The following KIAA1210 variants were observed in gnomAD, a reference collection of about 807,000 sequenced individuals.
KIAA1210 encodes acrosomal protein KIAA1210.
Under a neutral mutation model 78.9 loss-of-function variants are expected in KIAA1210, and 48 were observed. The ratio of observed to expected loss-of-function variants is 0.61; its 90% CI spans 0.48 to 0.77. The LOEUF is 0.77. Among genes scored for constraint, KIAA1210 ranks in the 30% least tolerant of loss-of-function variants. The pLI, the probability that KIAA1210 is intolerant of heterozygous loss-of-function variation, is 0.00. For missense variants in KIAA1210, 1,108 were observed against 1,100.0 expected, an observed-to-expected ratio of 1.01 and a Z score of -0.10; for synonymous variants, 406 against 404.5, an observed-to-expected ratio of 1.00 and a Z score of -0.04.
In KIAA1210 at chrX:119,096,704, G is replaced by A. The variant is rs1373954736; in HGVS notation, c.649-13C>T. On this transcript the variant is annotated splice_polypyrimidine_tract_variant and intron_variant, in intron 6 of 11. Transcript: ENST00000691062. ...ACTCAGAGAAGCTCTGGGGAAGGTG[G>A]GAGAAAATAGACGAGTCAACCCGTA... is the stretch of plus-strand genomic sequence containing the variant. 9.4e-6 allele frequency: 11 copies of A among 1,164,303 alleles called. No homozygotes were observed. The highest frequency in any genetic ancestry group is 1.2e-5 in the Non-Finnish European group (10 of 862,752).
chrX:119,088,682 A>G lies in KIAA1210; in HGVS notation c.2020T>C (p.Phe674Leu). ...ALEEPEDAEV[F>L]TESSSYVEKY... ...TCAACATAACTGCTTGATTCTGTGA[A>G]GACTTCTGCATCTTCAGGCTCCTCT... is the stretch of plus-strand genomic sequence containing the variant. Residue 674 changes from phenylalanine to leucine, a missense_variant, in exon 9 of 12, where the codon TTC becomes CTC. By Grantham distance (22) the Phe-to-Leu change is conservative (BLOSUM62 0). This residue lies in a region of KIAA1210 where 672 missense variants were observed against 607.1 expected (regional missense o/e 1.11). Coordinates refer to ENST00000691062, the MANE Select transcript of KIAA1210 (RefSeq NM_001394962.1). The G allele has an allele frequency of 8.3e-7, 1 of 1,210,776 alleles. No individual in the cohort carries two copies. Among genetic ancestry groups the G allele is most frequent in the South Asian group, 1.8e-5 (1 of 56,757 alleles).
chrX:119,103,981 G>A (rs921595013), intron 6 of KIAA1210, among the ~76,000 whole-genome samples: 1 of 112,015 alleles, frequency 8.9e-6, no homozygotes, highest in African/African-American at 3.2e-5. Flanking sequence ...TAGGAACGGG[G>A]TTTCCATTTT....
At chrX:119,126,211 G>C (rs1287364919) in intron 1 of KIAA1210, among the ~76,000 whole-genome samples, 1 of 108,610 alleles carries the variant, frequency 9.2e-6, no homozygotes, top group Non-Finnish European at 1.9e-5. Context: ...TCCAGAGGTG[G>C]GGGGCCGGGG....
rs61741231 is a variant in KIAA1210, at chrX:119,089,397, A to C, written c.1305T>G (p.Leu435=). 391 of 1,209,856 alleles carry C rather than the reference A, an allele frequency of 3.2e-4. No individual in the cohort carries two copies. Among genetic ancestry groups the C allele is most frequent in the Non-Finnish European group, 4.2e-4 (372 of 895,074 alleles). ...TCCTTCCCATGTCATCTTTATCTGA[A>C]AGCAACCCCTGAGGGGTAGTGGTTT... is the stretch of plus-strand genomic sequence containing the variant. ...QPETTTPQGL[L]SDKDDMGRRN... The change falls in exon 9 of 12, where the codon CTT becomes CTG. Residue 435 remains leucine (L), a synonymous_variant. Transcript: ENST00000691062.
intron 2 of KIAA1210, among the ~76,000 whole-genome samples, chrX:119,119,395 C>G (rs1247866220): frequency 8.9e-6 from 1 of 112,165 alleles, no homozygotes; most frequent in African/African-American, 3.2e-5. Context: ...AATTTCTTAT[C>G]TACTAGAATT....
In KIAA1210 at chrX:119,109,209, A is replaced by G. The variant is rs761106343; in HGVS notation, c.231-7T>C. 1 of 1,189,455 alleles carries G rather than the reference A, an allele frequency of 8.4e-7. No individual in the cohort carries two copies. The highest frequency in any genetic ancestry group is 1.1e-6 in the Non-Finnish European group (1 of 884,458). ...CCCCATGCTGCTCTTGGCCCTGGAC[A>G]GAAAGGAAAGGTCTTGTAAAAGCAA... On this transcript the variant is annotated splice_polypyrimidine_tract_variant and splice_region_variant and intron_variant, in intron 3 of 11. Coordinates refer to ENST00000691062, the MANE Select transcript of KIAA1210 (RefSeq NM_001394962.1).
chrX:119,081,159 C>A lies in KIAA1210; in HGVS notation c.*170G>T. On this transcript the variant is annotated 3_prime_UTR_variant, in exon 12 of 12. Transcript: ENST00000691062. ...GCGGGCGCCTGTAGTCCCAGCTAGT[C>A]GGGAGACTGAGGCGGGAGAGTGGCG... 1 of 336,112 alleles carries A rather than the reference C, an allele frequency of 3.0e-6. No individual in the cohort carries two copies. The highest frequency in any genetic ancestry group is 1.1e-4 in the South Asian group (1 of 9,425). 27.7% of individuals were successfully genotyped at this position (336,112 alleles called of 1,213,427 possible).
chrX:119,087,587 T>A lies in KIAA1210; in HGVS notation c.3115A>T (p.Ser1039Cys), dbSNP rs765530516. The A allele has an allele frequency of 1.7e-6, 2 of 1,211,357 alleles. No homozygotes were observed. Among genetic ancestry groups the A allele is most frequent in the East Asian group, 5.9e-5 (2 of 33,858 alleles). Residue 1039 changes from serine (S) to cysteine (C), a missense_variant, in exon 9 of 12, where the codon AGT becomes TGT. Physicochemically the swap from Ser to Cys is moderately radical, Grantham distance 112. Transcript: ENST00000691062. ...FSESSALKRG[S>C]DVAPLPPNLP... ...TTGGGAGGCAGAGGTGCCACATCAC[T>A]GCCCCTCTTAAGAGCAGAGCTCTCT...
rs745542828 is a variant in KIAA1210, at chrX:119,137,572, C to G, written c.410+9901G>C. Among the ~76,000 whole-genome samples, 237 of 112,928 alleles carry G rather than the reference C, an allele frequency of 2.1e-3. 3 individuals carry two copies. The highest frequency in any genetic ancestry group is 7.2e-3 in the African/African-American group (225 of 31,168). Reference sequence around the variant, plus strand: ...GGACAAGGATTCTCAGGGTTAAACTCTAGGGCAAGCTTGTCCAACCCATGG... The same window carrying G: ...GGACAAGGATTCTCAGGGTTAAACTGTAGGGCAAGCTTGTCCAACCCATGG... On this transcript the variant is annotated intron_variant, in intron 2 of 13. Coordinates refer to the KIAA1210 transcript ENST00000402510.
chrX:119,086,974 A>T lies in KIAA1210; in HGVS notation c.3728T>A (p.Ile1243Lys). Reference protein sequence around the residue: ...KKFSQGSKNPIKSIPAPATKP... With the variant: ...KKFSQGSKNPKKSIPAPATKP... ...GGTAGCAGGGGCTGGAATGCTCTTTATGGGGTTTTTGGAACCTTGGCTGAA... is the reference window on the plus strand; with the variant it reads ...GGTAGCAGGGGCTGGAATGCTCTTTTTGGGGTTTTTGGAACCTTGGCTGAA... Residue 1243 changes from isoleucine (I) to lysine (K), a missense_variant, in exon 9 of 12, where the codon ATA (isoleucine) becomes AAA (lysine). Transcript: ENST00000691062. 3.3e-6 allele frequency: 4 copies of T among 1,211,396 alleles called. No homozygotes were observed. Among genetic ancestry groups the T allele is most frequent in the Non-Finnish European group, 2.2e-6 (2 of 895,376 alleles).
chrX:119,144,458 C>T (rs1929121311), intron 2 of KIAA1210, among the ~76,000 whole-genome samples: 1 of 112,311 alleles, frequency 8.9e-6, no homozygotes, highest in Non-Finnish European at 1.9e-5. Context: ...CAGAGCACAA[C>T]CCAACAATGC....
intron 1 of KIAA1210, among the ~76,000 whole-genome samples, chrX:119,124,082 A>G (rs982315251): frequency 2.7e-5 from 3 of 111,691 alleles, no homozygotes; most frequent in Non-Finnish European, 5.7e-5. Flanking sequence ...CTGCAGCCTC[A>G]ACCTCCCAGG....
intron 3 of KIAA1210, among the ~76,000 whole-genome samples, chrX:119,115,266 G>A (rs1407024148): frequency 9.1e-6 from 1 of 109,937 alleles, no homozygotes; most frequent in Non-Finnish European, 1.9e-5. Flanking sequence ...AGGTTCACAT[G>A]TGCACACACT....
chrX:119,101,974 A>C (rs1434197589), intron 6 of KIAA1210, among the ~76,000 whole-genome samples: 1 of 112,850 alleles, frequency 8.9e-6, no homozygotes, highest in East Asian at 2.8e-4. Flanking sequence ...AAATAAAATT[A>C]TACAAGGAAA....
At chrX:119,138,737 C>T (rs1400851797) in intron 2 of KIAA1210, among the ~76,000 whole-genome samples, 1 of 111,618 alleles carries the variant, frequency 9.0e-6, no homozygotes, top group Non-Finnish European at 1.9e-5. Context: ...TGGCAGTGAA[C>T]CCCAGGAGAG....
intron 1 of KIAA1210, among the ~76,000 whole-genome samples, chrX:119,124,753 G>A (rs1233923259): frequency 9.0e-6 from 1 of 111,044 alleles, no homozygotes; most frequent in Admixed American, 9.6e-5. Context: ...GCTGGGCATT[G>A]TGGCATGTGC....
At chrX:119,117,047 G>A (rs1431173625) in intron 2 of KIAA1210, among the ~76,000 whole-genome samples, 1 of 112,203 alleles carries the variant, frequency 8.9e-6, no homozygotes, top group Non-Finnish European at 1.9e-5. Context: ...AAAGCACTTA[G>A]TACTCCCCTG....
At chrX:119,094,232 A>G (rs1927485206) in intron 7 of KIAA1210, 1 of 427,343 alleles carries the variant, frequency 2.3e-6, no homozygotes, top group Non-Finnish European at 4.1e-6. Context: ...TGAAAGCATG[A>G]ATTATCTCTT....
intron 6 of KIAA1210, among the ~76,000 whole-genome samples, chrX:119,099,305 G>T (rs1178264284): frequency 8.9e-6 from 1 of 112,344 alleles, no homozygotes; most frequent in Admixed American, 9.4e-5. Flanking sequence ...GCAATTTCTA[G>T]ATTGGGTATG....
Sources: allele counts gnomAD v4.1 joint callset (sites outside exome capture counted in the v4.1 genomes callset), GRCh38; gene constraint gnomAD v4.1.1; regional missense constraint gnomAD v4.1.1; transcripts MANE v1.5; gene names NCBI Gene and HGNC (gene_info 2026-07-23, HGNC 2026-07-21).